TCF7: variants seen among roughly 807,000 people sequenced by gnomAD.
TCF7 encodes transcription factor 7.
TCF7 carries 19 observed loss-of-function variants against 46.8 expected under a neutral mutation model. The ratio of observed to expected loss-of-function variants is 0.41; its 90% CI spans 0.28 to 0.60. The LOEUF is 0.60. Ranked by LOEUF, TCF7 falls within the 20% of genes least tolerant of loss-of-function variation. TCF7 has a pLI of 0.35. For synonymous variants in TCF7, 245 were observed against 213.4 expected (o/e 1.15, Z -1.29); for missense variants, 547 against 504.6 (o/e 1.08, Z -0.81).
chr5:134,116,221 C>T (rs867520254), intron 3 of TCF7, 188 bp downstream of exon 3: 2 of 1,305,640 alleles, frequency 1.5e-6, no homozygotes, highest in Non-Finnish European at 2.0e-6. Context: ...AGGGGCCGCC[C>T]TGGGGCACCC....
At chr5:134,126,885 A>C (rs1258301313) in intron 3 of TCF7, among the ~76,000 whole-genome samples, 1 of 151,418 alleles carries the variant, frequency 6.6e-6, no homozygotes, top group Non-Finnish European at 1.5e-5. Context: ...CGACAGAGCT[A>C]GACTCTATCT....
chr5:134,126,032 GT>G (rs1336826561), intron 3 of TCF7, among the ~76,000 whole-genome samples: 3 of 152,274 alleles, frequency 2.0e-5, no homozygotes, highest in African/African-American at 2.4e-5. Flanking sequence ...AAATTACATT[GT>G]GTTTTAAATA....
chr5:134,142,086 C>A, intron 5 of TCF7, 99 bp from the exon 6 acceptor site: 1 of 1,540,908 alleles, frequency 6.5e-7, no homozygotes, highest in South Asian at 1.2e-5. Flanking sequence ...ATCTGTTCAC[C>A]TGTGTCCTCA....
In TCF7 at chr5:134,116,053, A is replaced by C; in HGVS notation, c.441+20A>C. ...CCGCTGGTAAGTGGACCCCGCAGCC[A>C]GTGCCGCCCTGTGCTTGCAGCCTCC... On this transcript the variant is annotated intron_variant, in intron 3 of 9. Transcript: ENST00000342854. 1 of 1,604,616 alleles carries C rather than the reference A, an allele frequency of 6.2e-7. No individual in the cohort carries two copies. The highest frequency in any genetic ancestry group is 8.5e-7 in the Non-Finnish European group (1 of 1,175,802).
chr5:134,114,113 G>T (rs1755469515), upstream of TCF7, among the ~76,000 whole-genome samples: 1 of 152,234 alleles, frequency 6.6e-6, no homozygotes, highest in African/African-American at 2.4e-5. Flanking sequence ...CTCAATAAAT[G>T]TGCGAAGGGG....
intron 3 of TCF7, among the ~76,000 whole-genome samples, chr5:134,131,716 A>G (rs571473499): frequency 6.6e-6 from 1 of 152,374 alleles, no homozygotes; most frequent in South Asian, 2.1e-4. Flanking sequence ...CCCCCAGGCC[A>G]ACCTCTCTGC....
At chr5:134,133,324 G>A (rs899841931) in intron 3 of TCF7, among the ~76,000 whole-genome samples, 2 of 152,202 alleles carry the variant, frequency 1.3e-5, no homozygotes, top group Non-Finnish European at 2.9e-5. Flanking sequence ...GAGAGATGAA[G>A]GTGTGCCATT....
In TCF7 at chr5:134,145,813, C is replaced by T. The variant is rs748015738; in HGVS notation, c.1076-411C>T. The T allele has an allele frequency of 1.4e-5, 22 of 1,613,560 alleles. No individual in the cohort carries two copies. The South Asian group carries it at 2.2e-4, about 16-fold the overall frequency. ...CTGTCCATGTCTTCTTCCTCTAGCC[C>T]AGCTTGAGGACTGGGATGGCTGGGC... On this transcript the variant is annotated intron_variant, in intron 9 of 9. Coordinates refer to ENST00000342854, the MANE Select transcript of TCF7 (RefSeq NM_003202.5).
the TCF7 span, among the ~76,000 whole-genome samples, chr5:134,108,679 G>A: frequency 1.3e-5 from 2 of 152,154 alleles, no homozygotes; most frequent in African/African-American, 2.4e-5. Flanking sequence ...CCAGTGTCCT[G>A]GGGAGGGAAT....
chr5:134,126,715 G>A (rs1217207478), intron 3 of TCF7, among the ~76,000 whole-genome samples: 1 of 152,114 alleles, frequency 6.6e-6, no homozygotes, highest in African/African-American at 2.4e-5. Flanking sequence ...TGACCAACAT[G>A]GTGAAACCCC....
At chr5:134,110,855 A>G (rs950830816), upstream of TCF7, among the ~76,000 whole-genome samples, 2 of 152,290 alleles carry the variant, frequency 1.3e-5, no homozygotes, top group Non-Finnish European at 2.9e-5. Flanking sequence ...AGCTTGAAAG[A>G]AAAGGAAAGG....
rs144602565 is a variant in TCF7 at position 134,146,388 on chromosome 5, C to A, written c.*85C>A. On this transcript the variant is annotated 3_prime_UTR_variant, in exon 10 of 10. Coordinates refer to ENST00000342854, the MANE Select transcript of TCF7 (RefSeq NM_003202.5). Reference sequence around the variant, plus strand: ...CCCACAGAACTGCTTACTAGCCCTGCGGAGCCGGCACCTACATCCCCAGGT... The same window carrying A: ...CCCACAGAACTGCTTACTAGCCCTGAGGAGCCGGCACCTACATCCCCAGGT... The A allele has an allele frequency of 1.7e-4, 261 of 1,528,170 alleles. 1 individual carries two copies. The African/African-American group carries it at 3.1e-3, about 18-fold the overall frequency. The allele number at this position is 1,528,170 out of a possible 1,614,324, so 94.7% of individuals were successfully genotyped here.
intron 3 of TCF7, among the ~76,000 whole-genome samples, chr5:134,129,875 C>T (rs1035280595): frequency 1.3e-5 from 2 of 152,256 alleles, no homozygotes; most frequent in Admixed American, 1.3e-4. Flanking sequence ...CTCTGTGCAA[C>T]TGTGGCAACA....
At chr5:134,144,974 C>A in intron 9 of TCF7, 1 of 985,838 alleles carries the variant, frequency 1.0e-6, no homozygotes, top group Non-Finnish European at 1.6e-6. Context: ...CCTCAGCCCA[C>A]TAGCATACTC....
chr5:134,123,764 AAGGCGGTACCCACCCAC>A, intron 3 of TCF7: 1 of 456,316 alleles, frequency 2.2e-6, no homozygotes, highest in South Asian at 1.5e-5. Context: ...ATGGTAGGGC[AAGGCGGTACCCACCCAC>A]AGATGGTGTG....
intron 3 of TCF7, among the ~76,000 whole-genome samples, chr5:134,129,154 C>T (rs948254652): frequency 6.6e-6 from 1 of 152,190 alleles, no homozygotes; most frequent in Non-Finnish European, 1.5e-5. Flanking sequence ...TCCTCGTCTG[C>T]GAAGTCTGTA....
chr5:134,140,698 T>C (rs368856082), intron 5 of TCF7: 219 of 419,174 alleles, frequency 5.2e-4, no homozygotes, highest in African/African-American at 4.3e-3. Flanking sequence ...CCCATCTGTC[T>C]CACAGGATGG....
intron 3 of TCF7, among the ~76,000 whole-genome samples, chr5:134,129,686 C>CGGCTAAGTGG (rs1757840424): frequency 6.6e-6 from 1 of 152,256 alleles, no homozygotes; most frequent in Non-Finnish European, 1.5e-5. Context: ...CCACGCCACT[C>CGGCTAAGTGG]GGCTAAGTGG....
rs1195304811 is a variant in TCF7, at chr5:134,142,214, CTGG to C, written c.668_670del (p.Gly223del). 1 of 1,613,772 alleles carries C rather than the reference CTGG, an allele frequency of 6.2e-7. No individual in the cohort carries two copies. Among genetic ancestry groups the C allele is most frequent in the African/African-American group, 1.3e-5 (1 of 74,916 alleles). The stretch of plus-strand genomic sequence containing the variant: ...ACCCACCCATCCTTGATGCTAGGTT[CTGG>C]TGTACCTGGTCACCCAGCAGCCATC... On this transcript the variant is annotated inframe_deletion, in exon 6 of 10. Transcript: ENST00000342854.
Sources: gnomAD v4.1 joint callset for allele counts (sites outside exome capture counted in the v4.1 genomes callset) on GRCh38, gnomAD v4.1.1 for gene constraint, MANE v1.5 for transcripts, NCBI Gene and HGNC (gene_info 2026-07-23, HGNC 2026-07-21) for gene names.